The following RAP1GAP2 variants were observed in gnomAD, a reference collection of about 807,000 sequenced individuals.
RAP1GAP2 encodes the protein rap1 GTPase-activating protein 2.
RAP1GAP2 carries 27 observed loss-of-function variants against 95.0 expected under a neutral mutation model. The ratio of observed to expected loss-of-function variants is 0.28; its 90% CI spans 0.21 to 0.39. The LOEUF (loss-of-function observed/expected upper bound fraction) is 0.39. RAP1GAP2 is among the 10% of genes least tolerant of loss of function. RAP1GAP2 has a pLI of 1.00. For synonymous variants in RAP1GAP2, 373 were observed against 380.9 expected, an observed-to-expected ratio of 0.98 and a Z score of 0.24; for missense variants, 771 against 970.0, an observed-to-expected ratio of 0.79 and a Z score of 2.72.
Position 2,756,136 on chromosome 17 carries a change from CCCTCCGTT to C in RAP1GAP2, c.50+373_50+380del, listed in dbSNP as rs2071138472. Among the ~76,000 whole-genome samples, 3 of 152,276 alleles carry C rather than the reference CCCTCCGTT, an allele frequency of 2.0e-5. No homozygotes were observed. The South Asian group carries it at 6.2e-4, about 31-fold the overall frequency. On this transcript the variant is annotated intron_variant, in intron 1 of 25. Transcript: ENST00000637138. ...CCCTTCAGGTTTCCCATTTGTGCCT[CCCTCCGTT>C]CCTTCTGCCACCCGGGGCAGGGCTC...
intron 3 of RAP1GAP2, among the ~76,000 whole-genome samples, chr17:2,934,974 A>G (rs984036754): frequency 2.6e-5 from 4 of 152,178 alleles, no homozygotes; most frequent in Non-Finnish European, 4.4e-5. Context: ...GAAAAGCTTT[A>G]GGGAAGACGG....
chr17:2,966,256 A>G (rs942945846), intron 8 of RAP1GAP2, among the ~76,000 whole-genome samples: 2 of 152,236 alleles, frequency 1.3e-5, no homozygotes, highest in Non-Finnish European at 2.9e-5. Flanking sequence ...TAGGTGTTAG[A>G]GATACCATGA....
intron 14 of RAP1GAP2, among the ~76,000 whole-genome samples, chr17:3,001,997 C>T (rs73298940): frequency 0.037 from 5,471 of 149,770 alleles, 351 homozygotes; most frequent in African/African-American, 0.13. Context: ...GACAGTCTCG[C>T]TGTCACCCAG....
rs1344010269 is a variant in RAP1GAP2, at chr17:2,866,427, T to C, written c.81-38857T>C. 6.6e-6 allele frequency among the ~76,000 whole-genome samples: 1 copy of C among 152,160 alleles called. No homozygotes were observed. Among genetic ancestry groups the C allele is most frequent in the Admixed American group, 6.5e-5 (1 of 15,268 alleles). On this transcript the variant is annotated intron_variant, in intron 2 of 24. Coordinates refer to ENST00000254695, the MANE Select transcript of RAP1GAP2 (RefSeq NM_015085.5). The surrounding 1 kb of genome is among the most constrained non-coding windows in gnomAD (Gnocchi z 4.0). ...GACTCAGGGCAGTTGGTACCCCAGT[T>C]AGAATACAAAAACAGAGTCAGTCAG...
intron 3 of RAP1GAP2, among the ~76,000 whole-genome samples, chr17:2,943,625 AG>A: frequency 6.6e-6 from 1 of 152,218 alleles, no homozygotes; most frequent in African/African-American, 2.4e-5. Flanking sequence ...AGATCGTACC[AG>A]TGCACTCCAG....
In RAP1GAP2 at chr17:2,797,264, G is replaced by A. The variant is rs1307968752; in HGVS notation, c.44+693G>A. On this transcript the variant is annotated intron_variant, in intron 1 of 24. Transcript: ENST00000254695. This position sits in a 1 kb window ranked among gnomAD's most constrained non-coding sequence, Gnocchi z 5.6. Reference sequence around the variant, plus strand: ...GCATCTGTCCCCAGCCTCCTGCCTGGCCCTCTGGACACTCTTGCCTCTAAG... The same window carrying A: ...GCATCTGTCCCCAGCCTCCTGCCTGACCCTCTGGACACTCTTGCCTCTAAG... Among the ~76,000 whole-genome samples, 3 of 152,160 alleles carry A rather than the reference G, an allele frequency of 2.0e-5. No homozygotes were observed. The highest frequency in any genetic ancestry group is 4.4e-5 in the Non-Finnish European group (3 of 68,022).
At chr17:2,945,946 C>T (rs1340630396) in intron 3 of RAP1GAP2, among the ~76,000 whole-genome samples, 4 of 151,960 alleles carry the variant, frequency 2.6e-5, no homozygotes, top group East Asian at 1.9e-4. Context: ...CGTGCCACCA[C>T]GCCTGGGTAA....
intron 2 of RAP1GAP2, among the ~76,000 whole-genome samples, chr17:2,864,752 C>T (rs910221561): frequency 3.3e-5 from 5 of 152,216 alleles, no homozygotes; most frequent in African/African-American, 9.6e-5. Flanking sequence ...CCTAGCGGGG[C>T]GCCCTGTGGG....
chr17:2,775,118 C>T (rs2068470985), upstream of RAP1GAP2, among the ~76,000 whole-genome samples: 1 of 151,598 alleles, frequency 6.6e-6, no homozygotes, highest in South Asian at 2.1e-4. Flanking sequence ...AGGTGTGAGG[C>T]ACCGCGCCCG....
At chr17:2,793,041 A>C (rs2068968041), upstream of RAP1GAP2, among the ~76,000 whole-genome samples, 1 of 151,948 alleles carries the variant, frequency 6.6e-6, no homozygotes. Context: ...GTGTGATGTG[A>C]CTATCACCCC....
At chr17:2,843,959 G>A (rs917821068) in intron 2 of RAP1GAP2, among the ~76,000 whole-genome samples, 4 of 152,168 alleles carry the variant, frequency 2.6e-5, no homozygotes, top group Non-Finnish European at 5.9e-5. Flanking sequence ...ATGGACAGAA[G>A]CAAAGAGTTT....
chr17:3,028,542 G>A (rs1395051405), intron 22 of RAP1GAP2, among the ~76,000 whole-genome samples: 1 of 152,196 alleles, frequency 6.6e-6, no homozygotes. Context: ...AAGCCAAAAT[G>A]TTCCTGGGGT....
Position 3,004,962 on chromosome 17 carries a change from G to C in RAP1GAP2, c.1201-407G>C, listed in dbSNP as rs1042230710. Among the ~76,000 whole-genome samples the C allele has an allele frequency of 4.6e-5, 7 of 152,158 alleles. No individual in the cohort carries two copies. The highest frequency in any genetic ancestry group is 2.9e-5 in the Non-Finnish European group (2 of 68,018). On this transcript the variant is annotated intron_variant, in intron 14 of 24. Transcript: ENST00000254695. The surrounding 1 kb of genome is among the most constrained non-coding windows in gnomAD (Gnocchi z 4.1). The stretch of plus-strand genomic sequence containing the variant: ...GGCTAATCACCTGTGGGACTTGGGG[G>C]CTTCTCTGTGTGTCTCTGGGCATCT...
intron 11 of RAP1GAP2, among the ~76,000 whole-genome samples, chr17:2,990,101 C>T (rs1195810397): frequency 6.6e-6 from 1 of 152,188 alleles, no homozygotes; most frequent in Non-Finnish European, 1.5e-5. Context: ...AATAATATTC[C>T]ATTGTGTGGA....
rs114921966 is a variant in RAP1GAP2, at chr17:2,849,054, T to A, written c.80+48504T>A. 7.4e-3 allele frequency among the ~76,000 whole-genome samples: 1,128 copies of A among 152,132 alleles called. 8 individuals are homozygous for A. Among genetic ancestry groups the A allele is most frequent in the African/African-American group, 0.025 (1,055 of 41,502 alleles). On this transcript the variant is annotated intron_variant, in intron 2 of 24. Transcript: ENST00000254695. Reference sequence around the variant, plus strand: ...TGTGCGAGCGGGCTTCAGAGTGATATCCCAGAGCAGGTGTGTGTATGTGTG... The same window carrying A: ...TGTGCGAGCGGGCTTCAGAGTGATAACCCAGAGCAGGTGTGTGTATGTGTG...
At chr17:2,815,735 G>C (rs924529537) in intron 2 of RAP1GAP2, among the ~76,000 whole-genome samples, 13 of 152,114 alleles carry the variant, frequency 8.5e-5, no homozygotes, top group African/African-American at 2.9e-4. Context: ...GCCCACCTTG[G>C]CCTCCCAAAG....
intron 2 of RAP1GAP2, among the ~76,000 whole-genome samples, chr17:2,813,075 C>CTT (rs576292173): frequency 4.2e-5 from 6 of 142,366 alleles, no homozygotes; most frequent in East Asian, 2.1e-4. Context: ...AGCATCAGTA[C>CTT]TTTTTTTTTT....
chr17:2,871,400 A>G lies in RAP1GAP2; in HGVS notation c.81-33884A>G, dbSNP rs906953815. ...CTCAGTCCCTATGTGCAGGGGTGGG[A>G]GCGGGGAGCCATGATTGGCCCAGGG... On this transcript the variant is annotated intron_variant, in intron 2 of 24. Transcript: ENST00000254695. This position sits in a 1 kb window ranked among gnomAD's most constrained non-coding sequence, Gnocchi z 5.0. 1.1e-4 allele frequency among the ~76,000 whole-genome samples: 17 copies of G among 151,968 alleles called. No individual in the cohort carries two copies. The highest frequency in any genetic ancestry group is 4.1e-4 in the African/African-American group (17 of 41,346).
intron 8 of RAP1GAP2, among the ~76,000 whole-genome samples, chr17:2,968,095 T>C (rs1176263165): frequency 6.6e-6 from 1 of 152,218 alleles, no homozygotes; most frequent in Non-Finnish European, 1.5e-5. Flanking sequence ...TATTTACTTT[T>C]ACAGAAAGCC....
Sources: gnomAD v4.1 joint callset for allele counts (sites outside exome capture counted in the v4.1 genomes callset) on GRCh38, gnomAD v4.1.1 for gene constraint, Gnocchi (gnomAD v3.1) non-coding constraint, MANE v1.5 for transcripts, NCBI Gene and HGNC (gene_info 2026-07-23, HGNC 2026-07-21) for gene names.